CACNA1D: variants seen among roughly 807,000 people sequenced by gnomAD.
CACNA1D encodes the protein voltage-dependent L-type calcium channel subunit alpha-1D.
Under a neutral mutation model 257.1 loss-of-function variants are expected in CACNA1D, and 55 were observed. The ratio of observed to expected loss-of-function variants is 0.21; its 90% CI spans 0.17 to 0.27. The LOEUF is 0.27. Among genes scored for constraint, CACNA1D ranks in the 10% least tolerant of loss-of-function variants. CACNA1D has a pLI of 1.00. For missense variants in CACNA1D, 1,876 were observed against 2,784.0 expected (o/e 0.67, Z 7.34); for synonymous variants, 980 against 1,014.9 (o/e 0.97, Z 0.65).
At chr3:53,575,156 G>A (rs564154956) in intron 3 of CACNA1D, among the ~76,000 whole-genome samples, 7 of 152,212 alleles carry the variant, frequency 4.6e-5, no homozygotes, top group Non-Finnish European at 7.3e-5. Flanking sequence ...CAGTGCTGGC[G>A]GCAGAGGTGC....
intron 3 of CACNA1D, among the ~76,000 whole-genome samples, chr3:53,519,163 C>T (rs1053728171): frequency 6.6e-6 from 1 of 152,180 alleles, no homozygotes; most frequent in Non-Finnish European, 1.5e-5. Context: ...AGTGATGCTA[C>T]ATGCCTGACC....
At chr3:53,758,418 T>C (rs1015741896) in intron 29 of CACNA1D, among the ~76,000 whole-genome samples, 2 of 152,124 alleles carry the variant, frequency 1.3e-5, no homozygotes, top group East Asian at 1.9e-4. Context: ...TTGGGTCACT[T>C]TTCTTGTTTC....
chr3:53,765,054 C>A (rs2095324762), intron 30 of CACNA1D, among the ~76,000 whole-genome samples: 1 of 152,218 alleles, frequency 6.6e-6, no homozygotes, highest in Non-Finnish European at 1.5e-5. Flanking sequence ...AGGCCACCTT[C>A]ACATTTATTC....
chr3:53,587,527 G>T (rs1359518959), intron 3 of CACNA1D, among the ~76,000 whole-genome samples: 2 of 152,190 alleles, frequency 1.3e-5, no homozygotes, highest in East Asian at 3.8e-4. Flanking sequence ...AGTATGTTAT[G>T]TGGAAACTTC....
chr3:53,796,820 T>C (rs994577894), intron 40 of CACNA1D, among the ~76,000 whole-genome samples: 5 of 152,220 alleles, frequency 3.3e-5, no homozygotes, highest in Non-Finnish European at 5.9e-5. Flanking sequence ...TGATTCTGTT[T>C]AATATTTTAT....
chr3:53,504,417 C>T (rs891024841), intron 3 of CACNA1D, among the ~76,000 whole-genome samples: 12 of 152,110 alleles, frequency 7.9e-5, no homozygotes, highest in African/African-American at 2.9e-4. Context: ...TGTCTTTGTT[C>T]TAGATAGTAT....
At chr3:53,516,545 C>T (rs1418953455) in intron 3 of CACNA1D, among the ~76,000 whole-genome samples, 1 of 152,226 alleles carries the variant, frequency 6.6e-6, no homozygotes, top group Non-Finnish European at 1.5e-5. Context: ...GCAGAAAGGC[C>T]TCCTGCTGAG....
chr3:53,676,175 A>T (rs978756820), intron 8 of CACNA1D, among the ~76,000 whole-genome samples: 4 of 152,148 alleles, frequency 2.6e-5, no homozygotes, highest in Non-Finnish European at 5.9e-5. Flanking sequence ...GTAGAGGTGC[A>T]GACCCAGAGG....
intron 3 of CACNA1D, among the ~76,000 whole-genome samples, chr3:53,543,691 C>G (rs1212668198): frequency 1.3e-5 from 2 of 152,184 alleles, no homozygotes; most frequent in South Asian, 4.1e-4. Flanking sequence ...TTATTTAGCT[C>G]TCAGAATCAC....
chr3:53,598,427 C>A (rs1262801187), intron 3 of CACNA1D, among the ~76,000 whole-genome samples: 1 of 150,084 alleles, frequency 6.7e-6, no homozygotes, highest in Non-Finnish European at 1.5e-5. Context: ...AAAAAAAAAA[C>A]CCAAAAATTA....
At chr3:53,693,582 G>A (rs907997628) in intron 8 of CACNA1D, among the ~76,000 whole-genome samples, 1 of 150,808 alleles carries the variant, frequency 6.6e-6, no homozygotes, top group Non-Finnish European at 1.5e-5. Context: ...TTTGCATTCT[G>A]TTTCATTTCC....
intron 3 of CACNA1D, among the ~76,000 whole-genome samples, chr3:53,600,899 ATT>A (rs558939061): frequency 8.5e-4 from 130 of 152,220 alleles, no homozygotes; most frequent in Non-Finnish European, 1.6e-3. Context: ...ATCCTCCGTG[ATT>A]CCCGTACATG....
Position 53,805,039 on chromosome 3 carries a change from C to T in CACNA1D, c.5642C>T (p.Pro1881Leu). The change falls in exon 45 of 48, where the codon CCC becomes CTC. Residue 1881 changes from proline (P) to leucine (L), a missense_variant. Around this residue, in one of 10 missense-constraint regions of CACNA1D, gnomAD observed 491 missense variants for 554.3 expected, o/e 0.89. Coordinates refer to ENST00000350061, the MANE Select transcript of CACNA1D (RefSeq NM_001128840.3). ...GGCAGAAACATCGACTCTGAGAGGC[C>T]CCGAGGCTACCATCATCCCCAAGGA... ...YPGRNIDSER[P>L]RGYHHPQGFL... The T allele has an allele frequency of 6.2e-7, 1 of 1,614,122 alleles. No individual in the cohort carries two copies. Among genetic ancestry groups the T allele is most frequent in the South Asian group, 1.1e-5 (1 of 91,070 alleles).
At chr3:53,711,428 C>T (rs1012420874) in intron 9 of CACNA1D, among the ~76,000 whole-genome samples, 1 of 152,186 alleles carries the variant, frequency 6.6e-6, no homozygotes, top group African/African-American at 2.4e-5. Flanking sequence ...CCCAGGCAGA[C>T]AGTTAGGTGA....
chr3:53,589,855 C>T (rs1336280715), intron 3 of CACNA1D, among the ~76,000 whole-genome samples: 1 of 152,194 alleles, frequency 6.6e-6, no homozygotes, highest in Non-Finnish European at 1.5e-5. Flanking sequence ...TTTGGCCATC[C>T]ACTTCCACTT....
intron 21 of CACNA1D, among the ~76,000 whole-genome samples, chr3:53,742,119 C>G (rs2577331): frequency 0.89 from 135,335 of 152,144 alleles, 60,489 homozygotes; most frequent in East Asian, 1. Flanking sequence ...TTGGAAGGCT[C>G]TTTGGTTATT....
chr3:53,684,041 A>G (rs2094454111), intron 8 of CACNA1D, among the ~76,000 whole-genome samples: 1 of 152,234 alleles, frequency 6.6e-6, no homozygotes, highest in African/African-American at 2.4e-5. Context: ...CAAATGGGAA[A>G]GGGCACATTA....
chr3:53,583,231 A>AT (rs5848995), intron 3 of CACNA1D, among the ~76,000 whole-genome samples: 51,635 of 150,562 alleles, frequency 0.34, 8,797 homozygotes, highest in Middle Eastern at 0.43. Flanking sequence ...AATAGAGTGG[A>AT]TTTTTTTTTT....
intron 3 of CACNA1D, among the ~76,000 whole-genome samples, chr3:53,592,932 G>C (rs1441855058): frequency 6.6e-6 from 1 of 152,090 alleles, no homozygotes; most frequent in Non-Finnish European, 1.5e-5. Context: ...CAGGTGATCT[G>C]TCCGCCTCAG....
Sources: gnomAD v4.1 joint callset for allele counts (sites outside exome capture counted in the v4.1 genomes callset) on GRCh38, gnomAD v4.1.1 for gene constraint, gnomAD v4.1.1 regional missense constraint, MANE v1.5 for transcripts, NCBI Gene and HGNC (gene_info 2026-07-23, HGNC 2026-07-21) for gene names.